The following BTBD9 variants were observed in gnomAD, a reference collection of about 807,000 sequenced individuals.
BTBD9 encodes the protein BTB domain containing 9.
A neutral mutation model predicts 64.3 loss-of-function variants in BTBD9; 49 were observed. The observed-to-expected ratio is 0.76, with a 90% CI of 0.61 to 0.97. The LOEUF (loss-of-function observed/expected upper bound fraction) is 0.97, where lower values mean the gene tolerates loss of function less well. Ranked by LOEUF, BTBD9 falls within the 50% of genes least tolerant of loss-of-function variation. BTBD9 has a pLI of 0.00. For missense variants in BTBD9, 598 were observed against 762.1 expected, an observed-to-expected ratio of 0.78 and a Z score of 2.53; for synonymous variants, 260 against 274.7, an observed-to-expected ratio of 0.95 and a Z score of 0.53.
At chr6:38,178,218 T>C (rs961369291) in intron 10 of BTBD9, among the ~76,000 whole-genome samples, 1 of 147,582 alleles carries the variant, frequency 6.8e-6, no homozygotes. Flanking sequence ...AGATTCTAAG[T>C]GGAAAAGAGT....
chr6:38,209,674 G>C (rs1762766744), intron 9 of BTBD9, among the ~76,000 whole-genome samples: 2 of 152,300 alleles, frequency 1.3e-5, no homozygotes, highest in East Asian at 1.9e-4. Flanking sequence ...TATGGCCAAG[G>C]CGGGCCCCTT....
intron 6 of BTBD9, among the ~76,000 whole-genome samples, chr6:38,413,517 T>C (rs535944389): frequency 6.6e-6 from 1 of 152,344 alleles, no homozygotes; most frequent in Non-Finnish European, 1.5e-5. Flanking sequence ...ACATCTTTTC[T>C]CAGCAGGCTT....
chr6:38,378,802 A>C (rs1765800239), intron 6 of BTBD9, among the ~76,000 whole-genome samples: 1 of 149,468 alleles, frequency 6.7e-6, no homozygotes, highest in Non-Finnish European at 1.5e-5. Context: ...TGAACCCAGG[A>C]GGCGGAGGTT....
chr6:38,169,880 G>A lies in BTBD9; in HGVS notation c.*5105C>T. Reference sequence around the variant, plus strand: ...GAGTCTTCAGGCCATGAGGCCTCTTGGGGACTATTTCAGTTCTTTAAAAAA... The same window carrying A: ...GAGTCTTCAGGCCATGAGGCCTCTTAGGGACTATTTCAGTTCTTTAAAAAA... On this transcript the variant is annotated 3_prime_UTR_variant, in exon 11 of 11. Transcript: ENST00000481247. 7.8e-6 allele frequency: 1 copy of A among 127,672 alleles called. No homozygotes were observed. The highest frequency in any genetic ancestry group is 1.8e-5 in the Non-Finnish European group (1 of 56,754). The allele number at this position is 127,672 out of a possible 1,614,324, so 7.9% of individuals were successfully genotyped here. A position where few individuals can be genotyped will look rare whatever the true frequency, so the allele number is the denominator to read the frequency against.
chr6:38,285,451 G>A (rs1275597830), intron 8 of BTBD9, among the ~76,000 whole-genome samples: 4 of 151,976 alleles, frequency 2.6e-5, no homozygotes, highest in African/African-American at 7.3e-5. Context: ...AGGGAGGGAA[G>A]GATAATGGAA....
chr6:38,345,254 G>A (rs1359391310), intron 6 of BTBD9, among the ~76,000 whole-genome samples, 161 bp from the exon 7 acceptor site: 2 of 152,102 alleles, frequency 1.3e-5, no homozygotes, highest in African/African-American at 4.8e-5. Context: ...GCTCCTTATG[G>A]GTAGCTCCAA....
At chr6:38,333,815 G>T (rs767351609) in intron 7 of BTBD9, among the ~76,000 whole-genome samples, 2 of 152,186 alleles carry the variant, frequency 1.3e-5, no homozygotes, top group Non-Finnish European at 2.9e-5. Context: ...CACAGGAAAC[G>T]TGTACCAGAG....
intron 6 of BTBD9, among the ~76,000 whole-genome samples, chr6:38,502,832 T>G (rs547189382): frequency 5.1e-4 from 77 of 152,266 alleles, no homozygotes; most frequent in African/African-American, 1.8e-3. Flanking sequence ...GTTAACTGAG[T>G]GCCTGTTACA....
chr6:38,573,166 T>C (rs1484164778), intron 6 of BTBD9, among the ~76,000 whole-genome samples: 3 of 151,928 alleles, frequency 2.0e-5, no homozygotes, highest in Non-Finnish European at 2.9e-5. Context: ...CAAAGTAAAA[T>C]AGGATTTTTG....
chr6:38,455,902 C>T (rs372425926), intron 6 of BTBD9, among the ~76,000 whole-genome samples: 80 of 152,138 alleles, frequency 5.3e-4, no homozygotes, highest in Admixed American at 2.6e-3. Context: ...GTCTCTAACT[C>T]CTGACCTCAG....
At chr6:38,458,911 ATACTT>A (rs1407010531) in intron 6 of BTBD9, among the ~76,000 whole-genome samples, 3 of 152,242 alleles carry the variant, frequency 2.0e-5, no homozygotes, top group Non-Finnish European at 4.4e-5. Flanking sequence ...TGCCAGTTGA[ATACTT>A]TAATTATATG....
chr6:38,334,419 G>A (rs1763800993), intron 7 of BTBD9, among the ~76,000 whole-genome samples: 1 of 152,148 alleles, frequency 6.6e-6, no homozygotes, highest in African/African-American at 2.4e-5. Context: ...AATTAGCCAG[G>A]CGTGGTGGTG....
intron 6 of BTBD9, among the ~76,000 whole-genome samples, chr6:38,396,456 G>A (rs1766677870): frequency 6.6e-6 from 1 of 152,226 alleles, no homozygotes; most frequent in Non-Finnish European, 1.5e-5. Context: ...GTTGGAGGAA[G>A]TCAATGGGAA....
intron 6 of BTBD9, among the ~76,000 whole-genome samples, chr6:38,382,657 G>A (rs533773079): frequency 6.6e-6 from 1 of 151,986 alleles, no homozygotes; most frequent in Non-Finnish European, 1.5e-5. Context: ...TTTGAAAAGG[G>A]TGACAAAATT....
chr6:38,528,797 T>A (rs1255007660), intron 6 of BTBD9, among the ~76,000 whole-genome samples: 2 of 152,124 alleles, frequency 1.3e-5, no homozygotes, highest in Non-Finnish European at 2.9e-5. Flanking sequence ...GTACTCATTG[T>A]GGGCCTTGGG....
intron 6 of BTBD9, among the ~76,000 whole-genome samples, chr6:38,465,753 A>ATATATGTATG (rs1554158495): frequency 1.7e-3 from 67 of 39,596 alleles, no homozygotes; most frequent in Non-Finnish European, 2.7e-3. Context: ...ATATATATAT[A>ATATATGTATG]TATGTATGTA....
chr6:38,274,224 G>A (rs538865084), intron 8 of BTBD9, among the ~76,000 whole-genome samples: 12 of 152,308 alleles, frequency 7.9e-5, no homozygotes, highest in African/African-American at 2.9e-4. Flanking sequence ...TTTGTACATT[G>A]ATTTTGTATC....
chr6:38,619,975 G>A (rs1777929690), intron 1 of BTBD9, among the ~76,000 whole-genome samples: 1 of 152,138 alleles, frequency 6.6e-6, no homozygotes, highest in African/African-American at 2.4e-5. Context: ...CTTGAGGAGG[G>A]AATCAACCCT....
At position 38,541,702 on chromosome 6, in the gene BTBD9, C is replaced by T. The variant is rs184145079; in HGVS notation, c.1154+35898G>A. 1.2e-4 allele frequency among the ~76,000 whole-genome samples: 18 copies of T among 152,326 alleles called. No individual in the cohort carries two copies. In the East Asian group the frequency reaches 3.3e-3, roughly 28 times the overall value. ...GCTGTGAGCCGAGATCGCACCACTG[C>T]ACTCCAGCCTGGTGACAGAGCAAGA... is the stretch of plus-strand genomic sequence containing the variant. On this transcript the variant is annotated intron_variant, in intron 6 of 10. Coordinates refer to ENST00000481247, the MANE Select transcript of BTBD9 (RefSeq NM_001099272.2).
Sources: gnomAD v4.1 joint callset for allele counts (sites outside exome capture counted in the v4.1 genomes callset) on GRCh38, gnomAD v4.1.1 for gene constraint, MANE v1.5 for transcripts, NCBI Gene and HGNC (gene_info 2026-07-23, HGNC 2026-07-21) for gene names.